The following EPS15L1 variants were observed in gnomAD, a reference collection of about 807,000 sequenced individuals.
EPS15L1 encodes epidermal growth factor receptor pathway substrate 15 like 1, also known as epidermal growth factor receptor substrate 15-like 1.
EPS15L1 carries 43 observed loss-of-function variants against 117.1 expected under a neutral mutation model. The observed-to-expected ratio is 0.37, with a 90% CI of 0.29 to 0.47. The LOEUF (loss-of-function observed/expected upper bound fraction) is 0.47. Among genes scored for constraint, EPS15L1 ranks in the 20% least tolerant of loss-of-function variants. EPS15L1 has a pLI of 0.99. For missense variants in EPS15L1, 981 were observed against 1,164.0 expected (o/e 0.84, Z 2.29); for synonymous variants, 459 against 470.5 (o/e 0.98, Z 0.32).
At chr19:16,457,529 A>G (rs1417937068) in intron 1 of EPS15L1, among the ~76,000 whole-genome samples, 1 of 152,102 alleles carries the variant, frequency 6.6e-6, no homozygotes, top group Middle Eastern at 3.2e-3. Flanking sequence ...ACCACAGGAA[A>G]TACCAGGGCA....
Position 16,370,500 on chromosome 19 carries a change from G to A in EPS15L1, c.2380+6622C>T, listed in dbSNP as rs572902568. 3.6e-4 allele frequency among the ~76,000 whole-genome samples: 55 copies of A among 152,158 alleles called. No individual in the cohort carries two copies. The highest frequency in any genetic ancestry group is 6.0e-4 in the Non-Finnish European group (41 of 67,986). On this transcript the variant is annotated intron_variant, in intron 22 of 23. Coordinates refer to ENST00000455140, the MANE Select transcript of EPS15L1 (RefSeq NM_001258374.3). The surrounding 1 kb of genome is among the most constrained non-coding windows in gnomAD (Gnocchi z 5.2). ...CCTATACTCAGATGCTGGGGTGGGA[G>A]CCCAGCCACTCTAGGCCTGCACCCC...
rs2092358695 is a variant in EPS15L1, at chr19:16,381,214, C to T, written c.2247+3915G>A. Among the ~76,000 whole-genome samples, 1 of 152,254 alleles carries T rather than the reference C, an allele frequency of 6.6e-6. No homozygotes were observed. Among genetic ancestry groups the T allele is most frequent in the Non-Finnish European group, 1.5e-5 (1 of 68,042 alleles). ...TAGGCCCAGTGACCTGGCAGGGGGT[C>T]CCACTGTCAGCACCTCTGCCTTACA... On this transcript the variant is annotated intron_variant, in intron 21 of 23. Coordinates refer to ENST00000455140, the MANE Select transcript of EPS15L1 (RefSeq NM_001258374.3). This position sits in a 1 kb window ranked among gnomAD's most constrained non-coding sequence, Gnocchi z 4.2.
At chr19:16,443,775 C>T (rs1220246286) in intron 1 of EPS15L1, among the ~76,000 whole-genome samples, 1 of 151,570 alleles carries the variant, frequency 6.6e-6, no homozygotes, top group Non-Finnish European at 1.5e-5. Flanking sequence ...GACGCCAACA[C>T]CTGTGAATGT....
At chr19:16,451,738 C>A (rs994449958) in intron 1 of EPS15L1, among the ~76,000 whole-genome samples, 1 of 149,434 alleles carries the variant, frequency 6.7e-6, no homozygotes, top group Admixed American at 6.7e-5. Context: ...ACCATGTTAG[C>A]CAGGATGGTC....
rs201668616 is a variant in EPS15L1, at chr19:16,439,924, ATTT to A, written c.213+935_213+937del. Among the ~76,000 whole-genome samples, 17 of 133,170 alleles carry A rather than the reference ATTT, an allele frequency of 1.3e-4. No individual in the cohort carries two copies. In the East Asian group the frequency reaches 2.0e-3, roughly 15 times the overall value. The allele number at this position is 133,170 out of a possible 152,430, so 87.4% of individuals were successfully genotyped here. A position where few individuals can be genotyped will look rare whatever the true frequency, so the allele number is the denominator to read the frequency against. ...GTATCAGAAGAGTTTCAGATTTCAGATTTTTTTTTTTTTTTTTTCAGATGGGGT... is the reference window on the plus strand; with the variant it reads ...GTATCAGAAGAGTTTCAGATTTCAGATTTTTTTTTTTTTTTCAGATGGGGT... On this transcript the variant is annotated intron_variant, in intron 4 of 23. Transcript: ENST00000455140.
intron 15 of EPS15L1, among the ~76,000 whole-genome samples, chr19:16,402,970 A>C (rs926950150): frequency 6.6e-6 from 1 of 152,208 alleles, no homozygotes; most frequent in African/African-American, 2.4e-5. Flanking sequence ...ACAGATATTA[A>C]CCATAAAGCA....
Position 16,367,985 on chromosome 19 carries a change from G to GAA in EPS15L1, c.2381-6002_2381-6001insTT, listed in dbSNP as rs2092162769. Among the ~76,000 whole-genome samples, 3 of 149,728 alleles carry GAA rather than the reference G, an allele frequency of 2.0e-5. No individual in the cohort carries two copies. In the South Asian group the frequency reaches 6.3e-4, roughly 32 times the overall value. On this transcript the variant is annotated intron_variant, in intron 22 of 23. Coordinates refer to ENST00000455140, the MANE Select transcript of EPS15L1 (RefSeq NM_001258374.3). Reference sequence around the variant, plus strand: ...AACATGAGAGTGAGAGAGAGAGAGAGTGTGTGTGTGTGTGTGTGTGTTTGA... The same window carrying GAA: ...AACATGAGAGTGAGAGAGAGAGAGAGAATGTGTGTGTGTGTGTGTGTGTTTGA...
intron 17 of EPS15L1, among the ~76,000 whole-genome samples, chr19:16,394,451 CCT>C (rs1453214853): frequency 2.6e-4 from 40 of 152,288 alleles, no homozygotes; most frequent in East Asian, 5.8e-4. Flanking sequence ...GCCAGATTCG[CCT>C]CTCAGACCCG....
chr19:16,448,148 GGCAAA>G (rs1187278155), intron 1 of EPS15L1, among the ~76,000 whole-genome samples: 1 of 152,124 alleles, frequency 6.6e-6, no homozygotes, highest in African/African-American at 2.4e-5. Flanking sequence ...CAGGATCTAG[GGCAAA>G]GCAAAGAGTT....
chr19:16,397,303 C>G (rs1383902658), intron 16 of EPS15L1, among the ~76,000 whole-genome samples: 1 of 152,090 alleles, frequency 6.6e-6, no homozygotes, highest in African/African-American at 2.4e-5. Context: ...TTGGGCAGGC[C>G]AGTCTTGATC....
chr19:16,465,370 A>G (rs2093294849), intron 1 of EPS15L1, among the ~76,000 whole-genome samples: 1 of 152,172 alleles, frequency 6.6e-6, no homozygotes, highest in Admixed American at 6.6e-5. Context: ...CCACTCTGGC[A>G]GGGAAACCTT....
At chr19:16,424,812 C>T (rs190356124) in intron 9 of EPS15L1, among the ~76,000 whole-genome samples, 7 of 152,114 alleles carry the variant, frequency 4.6e-5, no homozygotes, top group Admixed American at 2.6e-4. Context: ...AGGTGCGCAC[C>T]ACCACACCCA....
rs1284786642 is a variant in EPS15L1, at chr19:16,421,307, G to A, written c.950+12C>T. The A allele has an allele frequency of 6.3e-7, 1 of 1,594,922 alleles. No homozygotes were observed. The highest frequency in any genetic ancestry group is 1.1e-5 in the South Asian group (1 of 90,366). On this transcript the variant is annotated intron_variant, in intron 10 of 23. Coordinates refer to ENST00000455140, the MANE Select transcript of EPS15L1 (RefSeq NM_001258374.3). ...CCACCCACAGCCACAACTGCCACCTGTCCGGCCTTACCATATGTGTGCTAG... is the reference window on the plus strand; with the variant it reads ...CCACCCACAGCCACAACTGCCACCTATCCGGCCTTACCATATGTGTGCTAG...
At chr19:16,421,185 G>T in intron 10 of EPS15L1, 134 bp downstream of exon 10, 2 of 1,005,098 alleles carry the variant, frequency 2.0e-6, no homozygotes, top group Non-Finnish European at 2.8e-6. Flanking sequence ...AGGCCAGGGA[G>T]AATAAAGGAC....
At chr19:16,366,659 T>A (rs1169456550) in intron 22 of EPS15L1, among the ~76,000 whole-genome samples, 1 of 152,156 alleles carries the variant, frequency 6.6e-6, no homozygotes, top group Non-Finnish European at 1.5e-5. Context: ...CAACGGTTTT[T>A]TTCTCAGTTG....
chr19:16,447,990 AT>A (rs1313145091), intron 1 of EPS15L1, among the ~76,000 whole-genome samples: 3 of 152,194 alleles, frequency 2.0e-5, no homozygotes, highest in African/African-American at 7.2e-5. Flanking sequence ...GTGCAAAAGT[AT>A]TTCAGGAGGA....
In EPS15L1 at chr19:16,471,940, C is replaced by A; in HGVS notation, c.6G>T (p.Ala2=). The change falls in exon 1 of 24, where the codon GCG becomes GCT. Residue 2 remains alanine, a synonymous_variant. Transcript: ENST00000455140. This position sits in a 1 kb window ranked among gnomAD's most constrained non-coding sequence, Gnocchi z 4.8. The part of the protein sequence containing the change: M[A]APLIPLSQQI... ...GCTGGGAGAGGGGGATGAGCGGCGC[C>A]GCCATCTTCCCGCGGACTCGGGCTC... 7.8e-7 allele frequency: 1 copy of A among 1,289,974 alleles called. No homozygotes were observed. The highest frequency in any genetic ancestry group is 9.8e-7 in the Non-Finnish European group (1 of 1,019,742). 79.9% of individuals were successfully genotyped at this position (1,289,974 alleles called of 1,614,324 possible).
chr19:16,414,642 G>A (rs924078853), intron 12 of EPS15L1, among the ~76,000 whole-genome samples: 5 of 151,052 alleles, frequency 3.3e-5, no homozygotes, highest in East Asian at 1.9e-4. Context: ...CTAGTGATCC[G>A]CCCGCCTCAG....
chr19:16,415,061 G>A (rs895871937), intron 12 of EPS15L1, among the ~76,000 whole-genome samples: 2 of 152,144 alleles, frequency 1.3e-5, no homozygotes, highest in Admixed American at 1.3e-4. Flanking sequence ...TAGCACTGCT[G>A]TAACAAATCA....
Sources: allele counts gnomAD v4.1 joint callset (sites outside exome capture counted in the v4.1 genomes callset), GRCh38; gene constraint gnomAD v4.1.1; non-coding constraint Gnocchi (gnomAD v3.1); transcripts MANE v1.5; gene names NCBI Gene and HGNC (gene_info 2026-07-23, HGNC 2026-07-21).